Variants in NREP observed in about 807,000 individuals in gnomAD.
NREP encodes the protein neuronal regeneration related protein.
Under a neutral mutation model 8.6 loss-of-function variants are expected in NREP, and 5 were observed. That is an observed-to-expected ratio of 0.58 (90% CI 0.30 to 1.22). The LOEUF (loss-of-function observed/expected upper bound fraction) is 1.22, where lower values mean the gene tolerates loss of function less well. Among genes scored for constraint, NREP ranks in the 50% most tolerant of loss-of-function variants. NREP has a pLI of 0.07. For missense variants in NREP, 86 were observed against 82.5 expected, an observed-to-expected ratio of 1.04 and a Z score of -0.17; for synonymous variants, 27 against 28.0, an observed-to-expected ratio of 0.96 and a Z score of 0.11.
chr5:111,796,398 T>C (rs1751874068), intron 2 of NREP, among the ~76,000 whole-genome samples: 1 of 152,196 alleles, frequency 6.6e-6, no homozygotes, highest in African/African-American at 2.4e-5. Context: ...TAAGATAACA[T>C]ACTCACAGGT....
At chr5:111,808,027 C>G (rs1463481749) in intron 2 of NREP, among the ~76,000 whole-genome samples, 1 of 152,182 alleles carries the variant, frequency 6.6e-6, no homozygotes, top group African/African-American at 2.4e-5. Flanking sequence ...GACTTTTTCT[C>G]CTGCTTTACA....
chr5:111,976,451 C>A lies in NREP; in HGVS notation c.30+259G>T, dbSNP rs187673389. ...GGCTCAGCCTCCTTGGAAGCAGGAACCTCCTCTGACTCATGTGGCACTGTA... is the reference window on the plus strand; with the variant it reads ...GGCTCAGCCTCCTTGGAAGCAGGAAACTCCTCTGACTCATGTGGCACTGTA... On this transcript the variant is annotated intron_variant, in intron 1 of 3. Transcript: ENST00000395634. 1.6e-3 allele frequency among the ~76,000 whole-genome samples: 247 copies of A among 152,322 alleles called. 2 individuals are homozygous for A. The highest frequency in any genetic ancestry group is 5.7e-3 in the African/African-American group (236 of 41,574).
At chr5:111,947,316 C>A (rs924159061) in intron 2 of NREP, among the ~76,000 whole-genome samples, 3 of 151,820 alleles carry the variant, frequency 2.0e-5, no homozygotes, top group African/African-American at 7.3e-5. Context: ...ATTCAATGTT[C>A]TTTCAATTAA....
intron 2 of NREP, among the ~76,000 whole-genome samples, chr5:111,860,503 A>T (rs1160955818): frequency 6.6e-6 from 1 of 152,070 alleles, no homozygotes; most frequent in African/African-American, 2.4e-5. Flanking sequence ...TCTTGAGTCC[A>T]GTCAGTTAGT....
At chr5:111,889,551 CA>C (rs1480609588) in intron 2 of NREP, among the ~76,000 whole-genome samples, 8 of 152,206 alleles carry the variant, frequency 5.3e-5, no homozygotes, top group African/African-American at 1.9e-4. Context: ...CATCCCTTCT[CA>C]ATAGTACCCC....
At chr5:111,831,798 C>A (rs922861106) in intron 2 of NREP, among the ~76,000 whole-genome samples, 19 of 152,190 alleles carry the variant, frequency 1.2e-4, no homozygotes, top group African/African-American at 4.6e-4. Context: ...ATGGCAGCCT[C>A]AGGGAAGTCT....
intron 2 of NREP, among the ~76,000 whole-genome samples, chr5:111,894,607 A>T (rs1342434226): frequency 6.6e-6 from 1 of 152,190 alleles, no homozygotes; most frequent in East Asian, 1.9e-4. Flanking sequence ...TTGAAACGTG[A>T]TTCTCCAGTT....
upstream of NREP, among the ~76,000 whole-genome samples, chr5:111,759,418 TTTC>T (rs921131458): frequency 7.8e-5 from 11 of 140,312 alleles, no homozygotes; most frequent in African/African-American, 2.4e-4. Flanking sequence ...TCTTTCTTTC[TTTC>T]TTTTTTTTTT....
At chr5:111,974,787 C>T (rs577893949) in intron 2 of NREP, among the ~76,000 whole-genome samples, 17 of 152,290 alleles carry the variant, frequency 1.1e-4, no homozygotes, top group Middle Eastern at 3.4e-3. Context: ...TTCTTACATA[C>T]CTATAAAATG....
At chr5:111,892,176 A>G (rs1754410295) in intron 2 of NREP, among the ~76,000 whole-genome samples, 1 of 152,210 alleles carries the variant, frequency 6.6e-6, no homozygotes, top group Non-Finnish European at 1.5e-5. Context: ...TACATCTTTT[A>G]AGGGCATATG....
intron 2 of NREP, among the ~76,000 whole-genome samples, chr5:111,963,016 A>T (rs1247177036): frequency 3.3e-5 from 5 of 152,262 alleles, no homozygotes; most frequent in Admixed American, 3.3e-4. Flanking sequence ...GGATACCCAA[A>T]AAAGGCTGTC....
At chr5:111,814,303 T>C (rs760899699) in intron 2 of NREP, among the ~76,000 whole-genome samples, 66 of 152,288 alleles carry the variant, frequency 4.3e-4, no homozygotes, top group Non-Finnish European at 8.7e-4. Flanking sequence ...AATTTTCAAA[T>C]GTTTAATCAA....
chr5:111,927,678 C>T (rs115747917), intron 2 of NREP, among the ~76,000 whole-genome samples: 1 of 152,306 alleles, frequency 6.6e-6, no homozygotes, highest in African/African-American at 2.4e-5. Context: ...CCATCTTTCA[C>T]ATGTAAAATG....
intron 2 of NREP, among the ~76,000 whole-genome samples, chr5:111,950,577 C>CA (rs200729029): frequency 0.1 from 15,429 of 151,744 alleles, 1,226 homozygotes; most frequent in African/African-American, 0.22. Flanking sequence ...AGCTTCTGCA[C>CA]GCAAAAGAAA....
At chr5:111,864,975 T>C (rs141753857) in intron 2 of NREP, among the ~76,000 whole-genome samples, 2 of 152,176 alleles carry the variant, frequency 1.3e-5, no homozygotes, top group Non-Finnish European at 1.5e-5. Flanking sequence ...GGGAAGTTGA[T>C]AAAGTAAACT....
At chr5:111,804,613 G>A (rs919530594) in intron 2 of NREP, among the ~76,000 whole-genome samples, 1 of 152,000 alleles carries the variant, frequency 6.6e-6, no homozygotes, top group Non-Finnish European at 1.5e-5. Flanking sequence ...TAAATTGGGA[G>A]ACATATTTGC....
At chr5:111,761,056 C>G (rs1031125668), upstream of NREP, among the ~76,000 whole-genome samples, 3 of 152,160 alleles carry the variant, frequency 2.0e-5, no homozygotes, top group Non-Finnish European at 4.4e-5. Context: ...AGAGCCAGCT[C>G]TATGTGGCCT....
At chr5:111,782,603 G>A (rs1751518190) in intron 2 of NREP, among the ~76,000 whole-genome samples, 1 of 152,092 alleles carries the variant, frequency 6.6e-6, no homozygotes, top group African/African-American at 2.4e-5. Flanking sequence ...GCATCTGATA[G>A]TTCTAAATTA....
chr5:111,912,061 G>A (rs1257311001), intron 2 of NREP, among the ~76,000 whole-genome samples: 1 of 152,062 alleles, frequency 6.6e-6, no homozygotes, highest in Non-Finnish European at 1.5e-5. Flanking sequence ...AAATTTAGGA[G>A]AACCAGCTTC....
Sources: allele counts gnomAD v4.1 joint callset (sites outside exome capture counted in the v4.1 genomes callset), GRCh38; gene constraint gnomAD v4.1.1; transcripts MANE v1.5; gene names NCBI Gene and HGNC (gene_info 2026-07-23, HGNC 2026-07-21).